Variants in KIF23 observed in about 807,000 individuals in gnomAD.
The protein encoded by KIF23 is kinesin-like protein KIF23.
KIF23 carries 30 observed loss-of-function variants against 137.5 expected under a neutral mutation model. The ratio of observed to expected loss-of-function variants is 0.22; its 90% CI spans 0.16 to 0.30. KIF23 has a LOEUF of 0.30. Ranked by LOEUF, KIF23 falls within the 10% of genes least tolerant of loss-of-function variation. The pLI, the probability that KIF23 is intolerant of heterozygous loss-of-function variation, is 1.00. For synonymous variants in KIF23, 367 were observed against 391.1 expected, an observed-to-expected ratio of 0.94 and a Z score of 0.73; for missense variants, 920 against 1,194.3, an observed-to-expected ratio of 0.77 and a Z score of 3.38.
At chr15:69,417,639 A>T in intron 3 of KIF23, 128 bp downstream of exon 3, 1 of 999,134 alleles carries the variant, frequency 1.0e-6, no homozygotes. Flanking sequence ...CTTCATTATA[A>T]CCACTGTATC....
At chr15:69,434,778 A>G in intron 11 of KIF23, 2 of 1,115,316 alleles carry the variant, frequency 1.8e-6, no homozygotes, top group East Asian at 2.5e-5. Context: ...GCTCTTGGCC[A>G]GAGTCCAAGG....
chr15:69,441,163 G>A, intron 19 of KIF23, 84 bp downstream of exon 19: 1 of 1,236,266 alleles, frequency 8.1e-7, no homozygotes, highest in South Asian at 1.6e-5. Flanking sequence ...AAAGTTCATT[G>A]GAAAAATGGT....
At chr15:69,427,393 C>G (rs916410004) in intron 10 of KIF23, 1 of 455,864 alleles carries the variant, frequency 2.2e-6, no homozygotes, top group African/African-American at 2.0e-5. Context: ...GATATCGAAT[C>G]TTAGAGCCTG....
At chr15:69,419,006 A>G (rs953427800) in intron 3 of KIF23, among the ~76,000 whole-genome samples, 1 of 152,148 alleles carries the variant, frequency 6.6e-6, no homozygotes, top group Non-Finnish European at 1.5e-5. Flanking sequence ...AATCCCAGCT[A>G]CTCAGTAGCC....
chr15:69,419,532 T>C (rs1476273534), intron 3 of KIF23, among the ~76,000 whole-genome samples: 1 of 152,188 alleles, frequency 6.6e-6, no homozygotes, highest in Non-Finnish European at 1.5e-5. Flanking sequence ...TGGGTCATCG[T>C]TGGGTTTCAG....
chr15:69,415,805 CT>C (rs2056888950), intron 1 of KIF23, among the ~76,000 whole-genome samples, 188 bp from the exon 2 acceptor site: 1 of 152,046 alleles, frequency 6.6e-6, no homozygotes, highest in Non-Finnish European at 1.5e-5. Flanking sequence ...ATTTTAATTA[CT>C]TTTGGATTAC....
At chr15:69,438,131 G>T (rs1201980827) in intron 15 of KIF23, 117 bp from the exon 16 acceptor site, 8 of 859,676 alleles carry the variant, frequency 9.3e-6, no homozygotes, top group Non-Finnish European at 1.7e-6. Context: ...ATTATAGACT[G>T]ATTCTCACAG....
chr15:69,443,470 C>G (rs936924825), intron 19 of KIF23: 2 of 150,288 alleles, frequency 1.3e-5, no homozygotes, highest in African/African-American at 4.9e-5. Flanking sequence ...TCCTGAGTAG[C>G]TGGGACCACA....
intron 3 of KIF23, among the ~76,000 whole-genome samples, chr15:69,418,750 G>T (rs1595978335): frequency 6.6e-6 from 1 of 152,180 alleles, no homozygotes; most frequent in East Asian, 1.9e-4. Flanking sequence ...AACTGCCCGT[G>T]TGAGTTAGAC....
At chr15:69,427,141 A>C (rs2057216368) in intron 10 of KIF23, among the ~76,000 whole-genome samples, 1 of 151,994 alleles carries the variant, frequency 6.6e-6, no homozygotes, top group Non-Finnish European at 1.5e-5. Flanking sequence ...ATAAGGCTAA[A>C]AAATAAAAAA....
intron 15 of KIF23, among the ~76,000 whole-genome samples, chr15:69,437,985 G>A (rs2057523598): frequency 6.6e-6 from 1 of 152,212 alleles, no homozygotes; most frequent in Admixed American, 6.5e-5. Flanking sequence ...CAAAGTACCT[G>A]TAAGGATTGG....
chr15:69,434,576 A>T, intron 11 of KIF23: 1 of 1,142,358 alleles, frequency 8.8e-7, no homozygotes, highest in Non-Finnish European at 1.3e-6. Context: ...CCTGGTCAAG[A>T]TAACATCTCC....
Position 69,436,610 on chromosome 15 carries a change from A to T in KIF23, c.1485A>T (p.Pro495=). The T allele has an allele frequency of 6.2e-7, 1 of 1,612,626 alleles. No individual in the cohort carries two copies. Among genetic ancestry groups the T allele is most frequent in the South Asian group, 1.1e-5 (1 of 90,856 alleles). ...DVVLQSFPPL[P]SCEILDINDE... ...TTTTGCAGAGTTTTCCACCTTTGCCATCATGCGAAATTTTGGATATCAACG... is the reference window on the plus strand; with the variant it reads ...TTTTGCAGAGTTTTCCACCTTTGCCTTCATGCGAAATTTTGGATATCAACG... The change falls in exon 15 of 24, where the codon CCA becomes CCT. Residue 495 remains proline (P), a synonymous_variant. Coordinates refer to ENST00000679126, the MANE Select transcript of KIF23 (RefSeq NM_001367805.3).
In KIF23 at chr15:69,440,929, A is replaced by T; in HGVS notation, c.2271A>T (p.Thr757=). 6.2e-7 allele frequency: 1 copy of T among 1,614,194 alleles called. No individual in the cohort carries two copies. The highest frequency in any genetic ancestry group is 1.1e-5 in the South Asian group (1 of 91,088). Residue 757 remains threonine (T), a synonymous_variant, in exon 19 of 24, where the codon ACA becomes ACT. Transcript: ENST00000679126. ...IPTYNTPLKV[T]SIARRRQQEP... ...CGTACAACACACCTCTCAAAGTCAC[A>T]TCTATTGCAAGGCGTAGGCAGCAGG...
intron 22 of KIF23, 126 bp downstream of exon 22, chr15:69,446,490 A>G (rs762013736): frequency 6.2e-5 from 43 of 693,784 alleles, no homozygotes; most frequent in Non-Finnish European, 1.0e-4. Flanking sequence ...CCAGTGCACC[A>G]TGTAGGCCTA....
intron 7 of KIF23, among the ~76,000 whole-genome samples, chr15:69,424,034 A>G (rs566177593): frequency 6.6e-6 from 1 of 152,374 alleles, no homozygotes; most frequent in South Asian, 2.1e-4. Flanking sequence ...CAGGACATAA[A>G]TAATACGAAG....
rs552520144 is a variant in KIF23 at position 69,436,993 on chromosome 15, G to C, written c.1597+271G>C. Among the ~76,000 whole-genome samples, 35 of 152,254 alleles carry C rather than the reference G, an allele frequency of 2.3e-4. 1 individual carries two copies. Among genetic ancestry groups the C allele is most frequent in the African/African-American group, 7.2e-4 (30 of 41,544 alleles). On this transcript the variant is annotated intron_variant, in intron 15 of 23. Transcript: ENST00000679126. ...TGGTCTCAAACTCCTGACCTCAAGT[G>C]ATCCGCCTGCCTCGGCCTCCTAAAG...
Position 69,423,292 on chromosome 15 carries a change from C to A in KIF23, c.697C>A (p.Leu233Ile). The A allele has an allele frequency of 6.3e-7, 1 of 1,579,666 alleles. No individual in the cohort carries two copies. The highest frequency in any genetic ancestry group is 1.8e-5 in the Admixed American group (1 of 55,902). ...AATATATAATAATTACATATATGATCTATTGGAAGAGGTGCCGTTTGATCC... is the reference window on the plus strand; with the variant it reads ...AATATATAATAATTACATATATGATATATTGGAAGAGGTGCCGTTTGATCC... ...IEIYNNYIYDLLEEVPFDPIK... is the reference protein window; with the variant it reads ...IEIYNNYIYDILEEVPFDPIK... The change falls in exon 7 of 24, where the codon CTA becomes ATA. Residue 233 changes from leucine to isoleucine, a missense_variant. Leu to Ile is a conservative substitution (Grantham distance 5). Around this residue, in one of 4 missense-constraint regions of KIF23, gnomAD observed 714 missense variants for 866.2 expected, o/e 0.82. Transcript: ENST00000679126.
chr15:69,429,978 CTG>C (rs1489561532), intron 11 of KIF23, among the ~76,000 whole-genome samples: 1 of 152,034 alleles, frequency 6.6e-6, no homozygotes, highest in Non-Finnish European at 1.5e-5. Flanking sequence ...GATCTCACCA[CTG>C]TACTCCAGCC....
Sources: allele counts gnomAD v4.1 joint callset (sites outside exome capture counted in the v4.1 genomes callset), GRCh38; gene constraint gnomAD v4.1.1; regional missense constraint gnomAD v4.1.1; transcripts MANE v1.5; gene names NCBI Gene and HGNC (gene_info 2026-07-23, HGNC 2026-07-21).